Variants in DCLK2 observed in about 807,000 individuals in gnomAD.
DCLK2 encodes doublecortin like kinase 2.
DCLK2 carries 31 observed loss-of-function variants against 78.4 expected under a neutral mutation model. That is an observed-to-expected ratio of 0.40 (90% CI 0.30 to 0.53). The LOEUF is 0.53. DCLK2 is among the 20% of genes least tolerant of loss of function. DCLK2 has a pLI of 0.61. For missense variants in DCLK2, 872 were observed against 973.7 expected (o/e 0.90, Z 1.39); for synonymous variants, 407 against 374.9 (o/e 1.09, Z -0.99).
At chr4:150,236,191 G>A (rs908492100) in intron 10 of DCLK2, among the ~76,000 whole-genome samples, 2 of 152,188 alleles carry the variant, frequency 1.3e-5, no homozygotes, top group African/African-American at 2.4e-5. Flanking sequence ...GCATCTCACA[G>A]CTTGTGGTGG....
At chr4:150,123,630 G>T (rs770437971) in intron 2 of DCLK2, among the ~76,000 whole-genome samples, 4 of 152,178 alleles carry the variant, frequency 2.6e-5, no homozygotes, top group African/African-American at 4.8e-5. Flanking sequence ...CTCATACAGG[G>T]TTGCCACGAA....
chr4:150,148,343 C>A (rs2150224653), intron 2 of DCLK2, among the ~76,000 whole-genome samples: 1 of 144,958 alleles, frequency 6.9e-6, no homozygotes, highest in African/African-American at 2.6e-5. Context: ...CCAGCCTGGG[C>A]AACACAGCAA....
intron 2 of DCLK2, among the ~76,000 whole-genome samples, chr4:150,184,396 A>C (rs971628924): frequency 2.0e-5 from 3 of 152,202 alleles, no homozygotes; most frequent in Non-Finnish European, 4.4e-5. Context: ...GCAGTCTCCT[A>C]AAATATAAAT....
chr4:150,238,388 C>T (rs1211919900), intron 10 of DCLK2, among the ~76,000 whole-genome samples: 3 of 152,056 alleles, frequency 2.0e-5, no homozygotes, highest in East Asian at 1.9e-4. Flanking sequence ...CTGAGATTAG[C>T]GTCCTTATAT....
intron 1 of DCLK2, among the ~76,000 whole-genome samples, chr4:150,079,764 G>C (rs182215793): frequency 7.9e-5 from 12 of 152,310 alleles, no homozygotes. Flanking sequence ...TGAGAAAATG[G>C]TTCTCCCATG....
At chr4:150,109,569 C>G (rs1731518049) in intron 2 of DCLK2, among the ~76,000 whole-genome samples, 1 of 152,180 alleles carries the variant, frequency 6.6e-6, no homozygotes, top group African/African-American at 2.4e-5. Flanking sequence ...GATCTCCTGA[C>G]ATCGTGTTCC....
intron 2 of DCLK2, among the ~76,000 whole-genome samples, chr4:150,190,233 A>G (rs1296563406): frequency 8.5e-5 from 8 of 94,656 alleles, no homozygotes; most frequent in East Asian, 2.9e-4. Context: ...ATAGATGGAT[A>G]GTTAGATAGA....
intron 8 of DCLK2, among the ~76,000 whole-genome samples, chr4:150,226,675 A>T (rs1430901919): frequency 2.0e-5 from 3 of 152,204 alleles, no homozygotes; most frequent in Non-Finnish European, 2.9e-5. Context: ...CTAACATTTG[A>T]ATCTTATTTT....
At chr4:150,142,805 A>ATT (rs144401122) in intron 2 of DCLK2, among the ~76,000 whole-genome samples, 7,668 of 148,212 alleles carry the variant, frequency 0.052, 318 homozygotes, top group Middle Eastern at 0.14. Flanking sequence ...TAAAATGCTG[A>ATT]TTTTTTTTTT....
At chr4:150,115,414 T>C (rs1732004551) in intron 2 of DCLK2, among the ~76,000 whole-genome samples, 1 of 152,214 alleles carries the variant, frequency 6.6e-6, no homozygotes, top group Non-Finnish European at 1.5e-5. Context: ...GCTAGTGTGA[T>C]CTTTTGAAGG....
chr4:150,095,436 A>C (rs1175937137), intron 1 of DCLK2, among the ~76,000 whole-genome samples: 1 of 152,196 alleles, frequency 6.6e-6, no homozygotes, highest in Non-Finnish European at 1.5e-5. Flanking sequence ...AACTCATCCA[A>C]GTTGTTGCAT....
intron 2 of DCLK2, among the ~76,000 whole-genome samples, chr4:150,146,968 G>C (rs1417706950): frequency 1.3e-5 from 2 of 151,846 alleles, no homozygotes; most frequent in Non-Finnish European, 2.9e-5. Context: ...CTACCTGATA[G>C]AGTTTTCTGA....
intron 8 of DCLK2, among the ~76,000 whole-genome samples, chr4:150,228,693 A>G (rs1741799114): frequency 1.3e-5 from 2 of 152,224 alleles, no homozygotes; most frequent in Admixed American, 1.3e-4. Flanking sequence ...AGAAGTATAT[A>G]GGAGTTTGCC....
At position 150,185,882 on chromosome 4, in the gene DCLK2, T is replaced by G. The variant is rs913375179; in HGVS notation, c.757-7256T>G. On this transcript the variant is annotated intron_variant, in intron 2 of 15. Coordinates refer to ENST00000296550, the MANE Select transcript of DCLK2 (RefSeq NM_001040260.4). ...CCTATTCACCCTAACCTGATTAATC[T>G]GTCTAGTGAAGGATAGAAAAATTAC... Among the ~76,000 whole-genome samples, 4 of 152,164 alleles carry G rather than the reference T, an allele frequency of 2.6e-5. No individual in the cohort carries two copies. The South Asian group carries it at 6.2e-4, about 24-fold the overall frequency.
In DCLK2 at chr4:150,079,165, C is replaced by G; in HGVS notation, c.138C>G (p.Pro46=). The G allele has an allele frequency of 1.2e-6, 2 of 1,607,430 alleles. No homozygotes were observed. The highest frequency in any genetic ancestry group is 2.2e-5 in the East Asian group (1 of 44,780). ...SSGPKGNGLI[P]SPAHSAHCSF... ...GCCCCAAGGGGAACGGGCTCATCCC[C>G]AGTCCGGCGCACAGTGCCCACTGCA... is the stretch of plus-strand genomic sequence containing the variant. The change falls in exon 1 of 16, where the codon CCC becomes CCG. Residue 46 remains proline (P), a synonymous_variant. Coordinates refer to ENST00000296550, the MANE Select transcript of DCLK2 (RefSeq NM_001040260.4).
intron 1 of DCLK2, among the ~76,000 whole-genome samples, chr4:150,097,442 C>T (rs1730546932): frequency 6.6e-6 from 1 of 152,128 alleles, no homozygotes; most frequent in Non-Finnish European, 1.5e-5. Flanking sequence ...GGATTACAGG[C>T]ATGAGCTACC....
Position 150,189,569 on chromosome 4 carries a change from A to C in DCLK2, c.757-3569A>C, listed in dbSNP as rs1738235442. Among the ~76,000 whole-genome samples the C allele has an allele frequency of 2.6e-5, 4 of 152,306 alleles. No individual in the cohort carries two copies. The South Asian group carries it at 8.3e-4, about 32-fold the overall frequency. ...TTTTCTTGTTTATAAATGAAGGATG[A>C]TAATAGTATAACCTCGTGGGATTGT... On this transcript the variant is annotated intron_variant, in intron 2 of 15. Transcript: ENST00000296550.
chr4:150,136,350 G>GC (rs1358620266), intron 2 of DCLK2, among the ~76,000 whole-genome samples: 1 of 152,196 alleles, frequency 6.6e-6, no homozygotes, highest in African/African-American at 2.4e-5. Context: ...CTACACTGGA[G>GC]CTGAGGAGGT....
At chr4:150,152,779 C>A (rs1290749008) in intron 2 of DCLK2, among the ~76,000 whole-genome samples, 5 of 152,074 alleles carry the variant, frequency 3.3e-5, no homozygotes, top group African/African-American at 4.8e-5. Context: ...TTTTTAAAAT[C>A]CTACCTCTTT....
Sources: gnomAD v4.1 joint callset for allele counts (sites outside exome capture counted in the v4.1 genomes callset) on GRCh38, gnomAD v4.1.1 for gene constraint, MANE v1.5 for transcripts, NCBI Gene and HGNC (gene_info 2026-07-23, HGNC 2026-07-21) for gene names.